The following ERC1 variants were observed in gnomAD, a reference collection of about 807,000 sequenced individuals.
ERC1 encodes RAB6 interacting protein 2.
Under a neutral mutation model 132.0 loss-of-function variants are expected in ERC1, and 56 were observed. The ratio of observed to expected loss-of-function variants is 0.42; its 90% confidence interval spans 0.34 to 0.53. The LOEUF (loss-of-function observed/expected upper bound fraction) is 0.53. Among genes scored for constraint, ERC1 ranks in the 20% least tolerant of loss-of-function variants. The probability of loss-of-function intolerance (pLI) is 0.03; values close to 1 mark genes in which losing one functional copy is unlikely to be tolerated. For missense variants in ERC1, 1,202 were observed against 1,349.9 expected (o/e 0.89, Z 1.72); for synonymous variants, 478 against 476.1 (o/e 1.00, Z -0.05).
intron 1 of ERC1, among the ~76,000 whole-genome samples, chr12:1,025,860 G>A (rs1054073580): frequency 8.1e-5 from 12 of 147,976 alleles, no homozygotes; most frequent in African/African-American, 2.8e-4. Flanking sequence ...GTGCAGTGGC[G>A]CGATCTCGGC....
chr12:1,276,298 G>A (rs572920003), intron 14 of ERC1, among the ~76,000 whole-genome samples: 3 of 150,380 alleles, frequency 2.0e-5, no homozygotes, highest in African/African-American at 4.9e-5. Context: ...GTGCAGTGGC[G>A]TGATCTCGGC....
At chr12:1,163,784 C>A (rs1218683271) in intron 8 of ERC1, among the ~76,000 whole-genome samples, 1 of 152,136 alleles carries the variant, frequency 6.6e-6, no homozygotes, top group African/African-American at 2.4e-5. Flanking sequence ...GGCACAGTCT[C>A]AGCTCACTGC....
At chr12:1,463,920 A>G (rs1474522304) in intron 18 of ERC1, among the ~76,000 whole-genome samples, 1 of 152,126 alleles carries the variant, frequency 6.6e-6, no homozygotes, top group Non-Finnish European at 1.5e-5. Flanking sequence ...GAGGCAGGGA[A>G]TATGGGGAAG....
At chr12:1,482,432 AGTTT>A (rs2094111413) in intron 18 of ERC1, among the ~76,000 whole-genome samples, 1 of 151,248 alleles carries the variant, frequency 6.6e-6, no homozygotes. Flanking sequence ...TTTTTTAAAG[AGTTT>A]TTTTGTTTGT....
At chr12:1,078,186 AACAGTCAT>A (rs760244460) in intron 2 of ERC1, among the ~76,000 whole-genome samples, 8 of 152,184 alleles carry the variant, frequency 5.3e-5, no homozygotes, top group Non-Finnish European at 8.8e-5. Context: ...GAAAAGGAGG[AACAGTCAT>A]ACCTAGAAAT....
Position 996,599 on chromosome 12 carries a change from A to T in ERC1, c.-157+5277A>T, listed in dbSNP as rs185019437. Among the ~76,000 whole-genome samples, 658 of 152,100 alleles carry T rather than the reference A, an allele frequency of 4.3e-3. 7 individuals are homozygous for T. Among genetic ancestry groups the T allele is most frequent in the African/African-American group, 0.015 (609 of 41,492 alleles). On this transcript the variant is annotated intron_variant, in intron 1 of 18. Transcript: ENST00000360905. Reference sequence around the variant, plus strand: ...CATAGTGAGACCCCATCTGTAAATTAAAAAAAATCATTCTTTTCAGAACAA... The same window carrying T: ...CATAGTGAGACCCCATCTGTAAATTTAAAAAAATCATTCTTTTCAGAACAA...
intron 16 of ERC1, among the ~76,000 whole-genome samples, chr12:1,373,051 C>T (rs1420436189): frequency 6.6e-6 from 1 of 152,082 alleles, no homozygotes; most frequent in Non-Finnish European, 1.5e-5. Context: ...GATAGTTGAC[C>T]AGCAAAAAGT....
At chr12:1,385,101 G>T (rs879475244) in intron 16 of ERC1, among the ~76,000 whole-genome samples, 12 of 152,194 alleles carry the variant, frequency 7.9e-5, no homozygotes, top group Non-Finnish European at 1.5e-4. Flanking sequence ...TATAAAACAC[G>T]CTTAGAGAAG....
intron 8 of ERC1, among the ~76,000 whole-genome samples, chr12:1,155,023 A>T (rs975635759): frequency 6.6e-6 from 1 of 152,214 alleles, no homozygotes; most frequent in Non-Finnish European, 1.5e-5. Context: ...CTAAAAGTAC[A>T]TTTATCATTT....
At chr12:1,127,360 G>A (rs544550783) in intron 7 of ERC1, among the ~76,000 whole-genome samples, 1 of 152,286 alleles carries the variant, frequency 6.6e-6, no homozygotes, top group Admixed American at 6.5e-5. Context: ...TTATTTGTGG[G>A]AAGAAGGAAT....
chr12:1,475,153 G>A lies in ERC1; in HGVS notation c.3214-14940G>A, dbSNP rs183385510. ...ATCCCTTAAGAACTTTAAACACAGT[G>A]GAGTGCTACACTGTATGGTTTATGT... On this transcript the variant is annotated intron_variant, in intron 18 of 18. Coordinates refer to ENST00000360905, the MANE Select transcript of ERC1 (RefSeq NM_178040.4). Among the ~76,000 whole-genome samples the A allele has an allele frequency of 9.8e-5, 15 of 152,308 alleles. 1 individual carries two copies. The highest frequency in any genetic ancestry group is 9.1e-4 in the Admixed American group (14 of 15,306).
intron 8 of ERC1, among the ~76,000 whole-genome samples, chr12:1,146,947 A>G (rs1950436236): frequency 1.3e-5 from 2 of 152,230 alleles, no homozygotes; most frequent in South Asian, 4.1e-4. Flanking sequence ...TACAAAGGAC[A>G]CAAACTCATC....
At chr12:1,100,083 C>T (rs1201797587) in intron 3 of ERC1, among the ~76,000 whole-genome samples, 1 of 151,884 alleles carries the variant, frequency 6.6e-6, no homozygotes, top group Non-Finnish European at 1.5e-5. Flanking sequence ...CTCCTGACCT[C>T]GTGATCCACC....
In ERC1 at chr12:1,492,228, A is replaced by AG; in HGVS notation, c.*2002dup. On this transcript the variant is annotated 3_prime_UTR_variant, in exon 19 of 19. Transcript: ENST00000360905. ...AGCCAGGCTGGCCAGAGAGGGGTGC[A>AG]GGGGTTAGATAGTAAGTGGTGGTCG... The AG allele has an allele frequency of 4.3e-6, 1 of 233,196 alleles. No individual in the cohort carries two copies. Among genetic ancestry groups the AG allele is most frequent in the East Asian group, 6.0e-5 (1 of 16,572 alleles). The allele number at this position is 233,196 out of a possible 1,614,324, so 14.4% of individuals were successfully genotyped here.
At chr12:1,204,804 T>C (rs1481263085) in intron 12 of ERC1, among the ~76,000 whole-genome samples, 1 of 152,128 alleles carries the variant, frequency 6.6e-6, no homozygotes, top group African/African-American at 2.4e-5. Flanking sequence ...GAAAAAGAAT[T>C]GTGTTAATGT....
rs568632688 is a variant in ERC1 at position 1,480,278 on chromosome 12, C to T, written c.3214-9815C>T. 1.1e-4 allele frequency among the ~76,000 whole-genome samples: 16 copies of T among 152,252 alleles called. 1 individual carries two copies. The South Asian group carries it at 3.3e-3, about 32-fold the overall frequency. On this transcript the variant is annotated intron_variant, in intron 18 of 18. Coordinates refer to ENST00000360905, the MANE Select transcript of ERC1 (RefSeq NM_178040.4). ...TTGCAGTTTAGTGAAAATCGGTTTA[C>T]TCTGGAAGTGTTTTTCGATGTTTTG...
chr12:1,029,992 C>T (rs982846727), intron 2 of ERC1, among the ~76,000 whole-genome samples: 9 of 152,160 alleles, frequency 5.9e-5, no homozygotes, highest in African/African-American at 2.2e-4. Flanking sequence ...AGGTGGTCCA[C>T]CTGCCTTGGC....
At chr12:1,190,497 G>T (rs759024409) in intron 12 of ERC1, among the ~76,000 whole-genome samples, 19 of 152,030 alleles carry the variant, frequency 1.2e-4, no homozygotes, top group Non-Finnish European at 2.5e-4. Flanking sequence ...AGTTTTTATT[G>T]TTGAAAAGCA....
chr12:1,243,839 T>A (rs941207146), intron 13 of ERC1, among the ~76,000 whole-genome samples: 1 of 152,194 alleles, frequency 6.6e-6, no homozygotes, highest in Non-Finnish European at 1.5e-5. Flanking sequence ...TAGAAACACT[T>A]TGAATGCCAG....
Sources: allele counts gnomAD v4.1 joint callset (sites outside exome capture counted in the v4.1 genomes callset), GRCh38; gene constraint gnomAD v4.1.1; transcripts MANE v1.5; gene names NCBI Gene and HGNC (gene_info 2026-07-23, HGNC 2026-07-21).